GALP: variants seen among roughly 807,000 people sequenced by gnomAD.
The protein encoded by GALP is galanin like peptide, also known as galanin-like peptide.
Under a neutral mutation model 15.2 loss-of-function variants are expected in GALP, and 12 were observed. That is an observed-to-expected ratio of 0.79 (90% CI 0.51 to 1.28). GALP has a LOEUF of 1.28. GALP is among the 50% of genes most tolerant of loss of function. GALP has a pLI of 0.00. For missense variants in GALP, 161 were observed against 145.6 expected (o/e 1.11, Z -0.55); for synonymous variants, 58 against 55.1 (o/e 1.05, Z -0.23).
intron 2 of GALP, among the ~76,000 whole-genome samples, chr19:56,178,212 C>T (rs1416822364): frequency 1.3e-5 from 2 of 151,468 alleles, no homozygotes; most frequent in Non-Finnish European, 2.9e-5. Context: ...TCCTGTAATC[C>T]CAGTACTTTG....
At chr19:56,183,740 G>GGT (rs1555786424) in intron 5 of GALP, among the ~76,000 whole-genome samples, 14 of 152,100 alleles carry the variant, frequency 9.2e-5, no homozygotes, top group South Asian at 2.1e-4. Context: ...TGGGATTACA[G>GGT]GCACGCGCCA....
At chr19:56,183,515 C>T (rs2032601783) in intron 5 of GALP, among the ~76,000 whole-genome samples, 1 of 152,202 alleles carries the variant, frequency 6.6e-6, no homozygotes, top group Non-Finnish European at 1.5e-5. Context: ...CTTGATCTCC[C>T]CCAGTATCAC....
chr19:56,183,806 C>T (rs954271725), intron 5 of GALP, among the ~76,000 whole-genome samples: 1 of 151,412 alleles, frequency 6.6e-6, no homozygotes, highest in African/African-American at 2.4e-5. Flanking sequence ...CCATGTTGGC[C>T]AGGCTGGTCC....
In GALP at chr19:56,183,264, G is replaced by A. The variant is rs112153136; in HGVS notation, c.295+52G>A. The stretch of plus-strand genomic sequence containing the variant: ...ACACCGACAGGAGAGGGGGAACAAG[G>A]AAGTGGCAGGCAGAGCTTAGAGGGT... On this transcript the variant is annotated intron_variant, in intron 5 of 5. Coordinates refer to ENST00000357330, the MANE Select transcript of GALP (RefSeq NM_033106.4). The A allele has an allele frequency of 1.2e-3, 1,632 of 1,414,522 alleles. 19 individuals are homozygous for A. In the African/African-American group the frequency reaches 0.02, roughly 17 times the overall value. 87.6% of individuals were successfully genotyped at this position (1,414,522 alleles called of 1,614,324 possible).
intron 2 of GALP, among the ~76,000 whole-genome samples, chr19:56,180,172 C>T (rs892790327): frequency 9.9e-5 from 15 of 152,188 alleles, no homozygotes; most frequent in African/African-American, 3.6e-4. Flanking sequence ...TTCGGCCTCC[C>T]CAAATGCTGG....
intron 5 of GALP, among the ~76,000 whole-genome samples, chr19:56,183,824 C>T (rs921255417): frequency 9.9e-5 from 15 of 151,600 alleles, no homozygotes; most frequent in African/African-American, 3.6e-4. Flanking sequence ...TCCTGAACTC[C>T]TGACTTCAGG....
At chr19:56,182,762 T>C (rs2032588408) in intron 4 of GALP, among the ~76,000 whole-genome samples, 1 of 152,174 alleles carries the variant, frequency 6.6e-6, no homozygotes, top group Non-Finnish European at 1.5e-5. Context: ...TTCACCATGT[T>C]GGCCAGGCTG....
At chr19:56,178,521 C>CAAAAAAAAAAAAAAAAAA (rs80223966) in intron 2 of GALP, among the ~76,000 whole-genome samples, 5 of 85,768 alleles carry the variant, frequency 5.8e-5, no homozygotes, top group African/African-American at 8.8e-5. Context: ...ACAACAACAA[C>CAAAAAAAAAAAAAAAAAA]AAAAAAAAAA....
chr19:56,179,310 TTC>T (rs1269409563), intron 2 of GALP, among the ~76,000 whole-genome samples: 2,124 of 120,266 alleles, frequency 0.018, 49 homozygotes, highest in African/African-American at 0.072. Context: ...GCCTCTTTCT[TTC>T]TTTTTTTTTT....
chr19:56,177,989 G>A (rs892166977), intron 2 of GALP, among the ~76,000 whole-genome samples: 2 of 152,084 alleles, frequency 1.3e-5, no homozygotes, highest in African/African-American at 4.8e-5. Context: ...ACAATGTGTT[G>A]TATACTTGAA....
chr19:56,176,592 G>T (rs2032464235), intron 1 of GALP, among the ~76,000 whole-genome samples: 2 of 147,822 alleles, frequency 1.4e-5, no homozygotes, highest in African/African-American at 5.0e-5. Flanking sequence ...GGGCAGAGGG[G>T]TGGATGCCAG....
At chr19:56,181,749 C>T (rs1370864189) in intron 3 of GALP, among the ~76,000 whole-genome samples, 1 of 152,144 alleles carries the variant, frequency 6.6e-6, no homozygotes, top group Non-Finnish European at 1.5e-5. Flanking sequence ...CCCATTTCTC[C>T]AGTTGCATCT....
rs369518593 is a variant in GALP, at chr19:56,179,640, C to CT, written c.88-929dup. Among the ~76,000 whole-genome samples, 1,210 of 137,920 alleles carry CT rather than the reference C, an allele frequency of 8.8e-3. 15 individuals are homozygous for CT. The highest frequency in any genetic ancestry group is 0.026 in the African/African-American group (963 of 37,410). The allele number at this position is 137,920 out of a possible 152,430, so 90.5% of individuals were successfully genotyped here. A position where few individuals can be genotyped will look rare whatever the true frequency, so the allele number is the denominator to read the frequency against. On this transcript the variant is annotated intron_variant, in intron 2 of 5. Coordinates refer to ENST00000357330, the MANE Select transcript of GALP (RefSeq NM_033106.4). ...TAGGGTTGTTGGAGGAAGAGCCTCT[C>CT]TTTTTTTTTTTTTTTTTCTTTGAGA...
At chr19:56,182,366 G>T in intron 4 of GALP, 114 bp downstream of exon 4, 1 of 700,504 alleles carries the variant, frequency 1.4e-6, no homozygotes, top group East Asian at 2.8e-5. Flanking sequence ...CTTACTATTT[G>T]GGGGGCCCTG....
At chr19:56,183,763 A>G (rs1301453177) in intron 5 of GALP, among the ~76,000 whole-genome samples, 2 of 151,498 alleles carry the variant, frequency 1.3e-5, no homozygotes, top group Non-Finnish European at 2.9e-5. Flanking sequence ...ATGTCCGGCT[A>G]ATTTTTGTAT....
intron 3 of GALP, among the ~76,000 whole-genome samples, chr19:56,181,882 G>C (rs2032572756): frequency 6.6e-6 from 1 of 152,160 alleles, no homozygotes; most frequent in South Asian, 2.1e-4. Context: ...GGGAAACCCA[G>C]GCTGCAGAGA....
intron 2 of GALP, among the ~76,000 whole-genome samples, chr19:56,179,904 C>G (rs966873479): frequency 6.6e-6 from 1 of 152,158 alleles, no homozygotes; most frequent in Non-Finnish European, 1.5e-5. Context: ...CAGGTTCAAG[C>G]GGTTCTCCTG....
intron 1 of GALP, 139 bp from the exon 2 acceptor site, chr19:56,176,931 C>T (rs2032473285): frequency 1.8e-6 from 1 of 563,882 alleles, no homozygotes; most frequent in Admixed American, 3.3e-5. Flanking sequence ...CCAAACTCCT[C>T]AAGATGTGTA....
chr19:56,184,059 G>A (rs972889325), intron 5 of GALP, among the ~76,000 whole-genome samples: 8 of 150,772 alleles, frequency 5.3e-5, no homozygotes, highest in Admixed American at 2.0e-4. Flanking sequence ...GCATTCAAGC[G>A]ATTCTCCTGC....
Sources: allele counts gnomAD v4.1 joint callset (sites outside exome capture counted in the v4.1 genomes callset), GRCh38; gene constraint gnomAD v4.1.1; transcripts MANE v1.5; gene names NCBI Gene and HGNC (gene_info 2026-07-23, HGNC 2026-07-21).